Variants in SAFB observed in about 807,000 individuals in gnomAD.
The protein encoded by SAFB is scaffold attachment factor B.
A neutral mutation model predicts 101.6 loss-of-function variants in SAFB; 15 were observed. That is an observed-to-expected ratio of 0.15 (90% CI 0.10 to 0.23). The LOEUF (loss-of-function observed/expected upper bound fraction) is 0.23, where lower values mean the gene tolerates loss of function less well. Among genes scored for constraint, SAFB ranks in the 10% least tolerant of loss-of-function variants. The pLI is 1.00. For missense variants in SAFB, 930 were observed against 1,104.1 expected (o/e 0.84, Z 2.23); for synonymous variants, 449 against 407.5 (o/e 1.10, Z -1.23).
chr19:5,667,468 G>A lies in SAFB; in HGVS notation c.2557+18G>A. The A allele has an allele frequency of 4.0e-6, 6 of 1,484,466 alleles. 1 individual carries two copies. The South Asian group carries it at 6.4e-5, about 16-fold the overall frequency. The allele number at this position is 1,484,466 out of a possible 1,614,324, so 92.0% of individuals were successfully genotyped here. On this transcript the variant is annotated intron_variant, in intron 19 of 20. Coordinates refer to ENST00000588852, the MANE Select transcript of SAFB (RefSeq NM_001201338.2). The surrounding 1 kb of genome is among the most constrained non-coding windows in gnomAD (Gnocchi z 4.0). ...GTGGCAAGGTGAGGAGCAGCTCTGG[G>A]CTGGGACCAGGATGTGCTGGGGAGT...
At chr19:5,626,360 G>T (rs2053360509) in intron 1 of SAFB, 45 bp from the exon 2 acceptor site, 1 of 1,123,524 alleles carries the variant, frequency 8.9e-7, no homozygotes. Context: ...AAAGCAGTGT[G>T]TGAGCTGACT....
chr19:5,635,175 A>G (rs573601698), intron 2 of SAFB, among the ~76,000 whole-genome samples: 2 of 152,214 alleles, frequency 1.3e-5, no homozygotes, highest in Non-Finnish European at 2.9e-5. Context: ...CTGTTCTCCT[A>G]CATTGGCAAG....
At chr19:5,623,518 T>A in intron 1 of SAFB, 124 bp downstream of exon 1, 1 of 764,760 alleles carries the variant, frequency 1.3e-6, no homozygotes, top group Non-Finnish European at 2.0e-6. Context: ...CCTGGCGCTC[T>A]CGCGTCCCCC....
At chr19:5,630,712 C>T (rs912731934) in intron 2 of SAFB, among the ~76,000 whole-genome samples, 4 of 150,192 alleles carry the variant, frequency 2.7e-5, no homozygotes, top group Admixed American at 6.6e-5. Context: ...GCCGAGATCA[C>T]GCCACTGCAC....
rs778690294 is a variant in SAFB, at chr19:5,626,489, G to A, written c.274G>A (p.Gly92Arg). ...NKKTSKRSSK[G>R]RKPEEEGVED... is the part of the protein sequence containing the mutation. ...GAAAACATCAAAGAGGTCTAGCAAA[G>A]GTATGGAGGATTTCATAAGCAAGTT... Residue 92 changes from glycine (G) to arginine (R), a missense_variant and splice_region_variant, in exon 2 of 21, where the codon GGG becomes AGG. Gly to Arg is a moderately radical substitution (Grantham distance 125, BLOSUM62 -2). Around this residue, in one of 7 missense-constraint regions of SAFB, gnomAD observed 119 missense variants for 171.4 expected, o/e 0.69. Coordinates refer to ENST00000588852, the MANE Select transcript of SAFB (RefSeq NM_001201338.2). The A allele has an allele frequency of 1.3e-6, 2 of 1,573,450 alleles. No homozygotes were observed. Among genetic ancestry groups the A allele is most frequent in the Non-Finnish European group, 1.7e-6 (2 of 1,145,514 alleles).
chr19:5,666,788 C>G (rs565889985), intron 17 of SAFB: 2 of 538,934 alleles, frequency 3.7e-6, no homozygotes, highest in African/African-American at 1.9e-5. Flanking sequence ...CCTCCCAGCT[C>G]TGGTGGTGCT....
rs369421975 is a variant in SAFB at position 5,667,096 on chromosome 19, C to T, written c.2385C>T (p.Arg795=). 8.1e-6 allele frequency: 13 copies of T among 1,612,554 alleles called. No homozygotes were observed. Among genetic ancestry groups the T allele is most frequent in the East Asian group, 6.7e-5 (3 of 44,870 alleles). The change falls in exon 18 of 21, where the codon CGC becomes CGT. Residue 795 remains arginine, a synonymous_variant. Transcript: ENST00000588852. The surrounding 1 kb of genome is among the most constrained non-coding windows in gnomAD (Gnocchi z 4.0). ...GGPERHGRDS[R]DGWGGYGSDK... ...CAGAGCGCCACGGCCGGGACTCCCG[C>T]GATGGCTGGGGGGGCTATGGCTCTG...
At chr19:5,651,212 C>A (rs926335062) in intron 9 of SAFB, 140 bp downstream of exon 9, 1 of 557,778 alleles carries the variant, frequency 1.8e-6, no homozygotes, top group Non-Finnish European at 3.2e-6. Flanking sequence ...AGGGTCTGCC[C>A]GTCCACAGGT....
chr19:5,653,126 C>T lies in SAFB; in HGVS notation c.1305C>T (p.Ala435=), dbSNP rs769509863. 6.2e-7 allele frequency: 1 copy of T among 1,613,720 alleles called. No individual in the cohort carries two copies. The highest frequency in any genetic ancestry group is 1.1e-5 in the South Asian group (1 of 91,052). ...TGCTTTCCTTTGAGGTGGTGGGCGC[C>T]AAGGTTGTGACAAATGCCCGGAGTC... The part of the protein sequence containing the change: ...LFSKYGKVVG[A]KVVTNARSPG... The change falls in exon 10 of 21, where the codon GCC becomes GCT. Residue 435 remains alanine (A), a synonymous_variant. Transcript: ENST00000588852.
intron 5 of SAFB, 133 bp downstream of exon 5, chr19:5,645,532 A>G (rs1319702727): frequency 3.6e-6 from 2 of 554,690 alleles, no homozygotes; most frequent in East Asian, 3.1e-5. Context: ...AGGATCGTTA[A>G]TGGGTGTTTG....
intron 4 of SAFB, 51 bp downstream of exon 4, chr19:5,641,997 C>T (rs777145058): frequency 3.6e-5 from 51 of 1,403,176 alleles, no homozygotes; most frequent in Non-Finnish European, 4.9e-5. Flanking sequence ...ATCAGTTCCA[C>T]AATTAAAATA....
intron 15 of SAFB, among the ~76,000 whole-genome samples, chr19:5,662,415 AC>A (rs1031928489): frequency 1.3e-5 from 2 of 151,590 alleles, no homozygotes; most frequent in Non-Finnish European, 2.9e-5. Context: ...AATCGCGTGT[AC>A]CCAGGAGGCA....
At chr19:5,631,044 G>T (rs1203940205) in intron 2 of SAFB, among the ~76,000 whole-genome samples, 7 of 152,112 alleles carry the variant, frequency 4.6e-5, no homozygotes, top group Non-Finnish European at 8.8e-5. Context: ...ACAAAAATTA[G>T]CTGGGCATGG....
Position 5,641,765 on chromosome 19 carries a change from A to G in SAFB, c.365A>G (p.Asn122Ser), listed in dbSNP as rs200741247. 1.9e-6 allele frequency: 3 copies of G among 1,614,118 alleles called. No homozygotes were observed. The highest frequency in any genetic ancestry group is 2.5e-6 in the Non-Finnish European group (3 of 1,180,030). The stretch of plus-strand genomic sequence containing the variant: ...GAGGATGTTGAGACCAGTCTGGAGA[A>G]CTTGCAGGACATCGACATCATGGAT... Reference protein sequence around the residue: ...GQEDVETSLENLQDIDIMDIS... With the variant: ...GQEDVETSLESLQDIDIMDIS... Residue 122 changes from asparagine (N) to serine (S), a missense_variant, in exon 4 of 21, where the codon AAC (asparagine) becomes AGC (serine). Coordinates refer to ENST00000588852, the MANE Select transcript of SAFB (RefSeq NM_001201338.2).
intron 14 of SAFB, among the ~76,000 whole-genome samples, chr19:5,660,892 A>G (rs1456132522): frequency 6.7e-6 from 1 of 148,964 alleles, no homozygotes; most frequent in Non-Finnish European, 1.5e-5. Context: ...TAGGGAGTGA[A>G]GGTTCCAATT....
intron 2 of SAFB, among the ~76,000 whole-genome samples, chr19:5,634,657 A>C (rs1229613026): frequency 6.6e-6 from 1 of 152,108 alleles, no homozygotes; most frequent in Non-Finnish European, 1.5e-5. Context: ...AAAGCATTGA[A>C]TGTTCTGACA....
At chr19:5,665,889 A>G (rs1270146692) in intron 17 of SAFB, 1 of 152,152 alleles carries the variant, frequency 6.6e-6, no homozygotes, top group Non-Finnish European at 1.5e-5. Flanking sequence ...CCCTTTTCTT[A>G]CTTTGTTGAG....
Position 5,664,307 on chromosome 19 carries a change from A to G in SAFB, c.2292-90A>G. 4 of 1,449,838 alleles carry G rather than the reference A, an allele frequency of 2.8e-6. No individual in the cohort carries two copies. The South Asian group carries it at 4.6e-5, about 17-fold the overall frequency. The allele number at this position is 1,449,838 out of a possible 1,614,324, so 89.8% of individuals were successfully genotyped here. On this transcript the variant is annotated intron_variant, in intron 16 of 20. Coordinates refer to ENST00000588852, the MANE Select transcript of SAFB (RefSeq NM_001201338.2). ...CAGGTCTCCTGCCTTCAGTTAGGGA[A>G]ATTATGCTTTTCATTGGGGGCCTGA...
At position 5,668,397 on chromosome 19, in the gene SAFB, A is replaced by G; in HGVS notation, c.*106A>G. The G allele has an allele frequency of 3.2e-6, 4 of 1,242,370 alleles. No individual in the cohort carries two copies. The highest frequency in any genetic ancestry group is 2.7e-4 in the Middle Eastern group (1 of 3,682). The allele number at this position is 1,242,370 out of a possible 1,614,324, so 77.0% of individuals were successfully genotyped here. ...TTTTTTTAATCTGCTGCCATATTGT[A>G]GCTCAATACAATGTGAATTTGTTTT... On this transcript the variant is annotated 3_prime_UTR_variant, in exon 21 of 21. Transcript: ENST00000588852.
Sources: gnomAD v4.1 joint callset for allele counts (sites outside exome capture counted in the v4.1 genomes callset) on GRCh38, gnomAD v4.1.1 for gene constraint, gnomAD v4.1.1 regional missense constraint, Gnocchi (gnomAD v3.1) non-coding constraint, MANE v1.5 for transcripts, NCBI Gene and HGNC (gene_info 2026-07-23, HGNC 2026-07-21) for gene names.